The following SH3BP4 variants were observed in gnomAD, a reference collection of about 807,000 sequenced individuals.
SH3BP4 encodes SH3 domain-binding protein 4.
In SH3BP4, 33 loss-of-function variants were observed where a neutral mutation model predicts 65.5. That is an observed-to-expected ratio of 0.50 (90% confidence interval 0.38 to 0.67). SH3BP4 has a LOEUF of 0.67. SH3BP4 is among the 30% of genes least tolerant of loss of function. The probability of loss-of-function intolerance (pLI) is 0.00; values close to 1 mark genes in which losing one functional copy is unlikely to be tolerated. For synonymous variants in SH3BP4, 552 were observed against 545.5 expected, an observed-to-expected ratio of 1.01 and a Z score of -0.17; for missense variants, 1,134 against 1,261.4, an observed-to-expected ratio of 0.90 and a Z score of 1.53.
intron 1 of SH3BP4, among the ~76,000 whole-genome samples, chr2:234,973,354 CT>C (rs1488346781): frequency 6.6e-6 from 1 of 152,178 alleles, no homozygotes; most frequent in Non-Finnish European, 1.5e-5. Flanking sequence ...TCACCTACCC[CT>C]GTGCCCTCCC....
At position 235,033,586 on chromosome 2, in the gene SH3BP4, G is replaced by A. The variant is rs1695272983; in HGVS notation, c.-132-1285G>A. Among the ~76,000 whole-genome samples, 1 of 152,246 alleles carries A rather than the reference G, an allele frequency of 6.6e-6. No individual in the cohort carries two copies. Among genetic ancestry groups the A allele is most frequent in the African/African-American group, 2.4e-5 (1 of 41,464 alleles). On this transcript the variant is annotated intron_variant, in intron 2 of 5. Coordinates refer to ENST00000392011, the MANE Select transcript of SH3BP4 (RefSeq NM_014521.3). The surrounding 1 kb of genome is among the most constrained non-coding windows in gnomAD (Gnocchi z 5.7). ...TTGAGCCACTATCCGCCGGTCACTG[G>A]GAGCTGGGATTGCAGCTTCTGATGC...
chr2:234,979,807 GATGACCCTGGAGGACCCCTCCCC>G (rs1693306994), intron 1 of SH3BP4: 1 of 29,906 alleles, frequency 3.3e-5, no homozygotes, highest in Non-Finnish European at 5.4e-5. Context: ...ACAACAAGCA[GATGACCCTGGAGGACCCCTCCCC>G]CAGATGACCC....
chr2:235,007,483 T>G (rs959129277), intron 2 of SH3BP4, among the ~76,000 whole-genome samples: 1 of 152,028 alleles, frequency 6.6e-6, no homozygotes, highest in African/African-American at 2.4e-5. Context: ...ATGGAGTGGG[T>G]AGAGCCTGAG....
chr2:234,969,900 CACTT>C (rs1692937729), intron 1 of SH3BP4, among the ~76,000 whole-genome samples: 3 of 150,674 alleles, frequency 2.0e-5, no homozygotes, highest in Non-Finnish European at 2.9e-5. Flanking sequence ...CTCACACACA[CACTT>C]ACACACACTC....
intron 2 of SH3BP4, among the ~76,000 whole-genome samples, chr2:235,013,352 G>T (rs1179120273): frequency 6.6e-6 from 1 of 152,110 alleles, no homozygotes; most frequent in Non-Finnish European, 1.5e-5. Context: ...CCCTTCTCCA[G>T]TTGTCTCCGG....
In SH3BP4 at chr2:234,993,064, TC is replaced by T. The variant is rs576314685; in HGVS notation, c.-206-2237del. On this transcript the variant is annotated intron_variant, in intron 1 of 5. Transcript: ENST00000392011. ...CCCACAGCCTGGGAGGCTGGGGAGTTCCTGTGAAGGGAGCTGGGTCCTTCTG... is the reference window on the plus strand; with the variant it reads ...CCCACAGCCTGGGAGGCTGGGGAGTTCTGTGAAGGGAGCTGGGTCCTTCTG... 2.6e-4 allele frequency among the ~76,000 whole-genome samples: 40 copies of T among 152,340 alleles called. 1 individual carries two copies. The East Asian group carries it at 7.7e-3, about 29-fold the overall frequency.
intron 2 of SH3BP4, among the ~76,000 whole-genome samples, chr2:235,006,498 C>T (rs1694300475): frequency 6.6e-6 from 1 of 152,168 alleles, no homozygotes; most frequent in Non-Finnish European, 1.5e-5. Flanking sequence ...CCCGATGGTG[C>T]TGGGCTGGCT....
chr2:234,988,095 T>C (rs1191898407), intron 1 of SH3BP4, among the ~76,000 whole-genome samples: 1 of 152,214 alleles, frequency 6.6e-6, no homozygotes, highest in African/African-American at 2.4e-5. Flanking sequence ...AGTCTCACTC[T>C]GTCGCCCAGG....
chr2:234,991,974 C>T lies in SH3BP4; in HGVS notation c.-206-3329C>T, dbSNP rs1263087250. 6.6e-6 allele frequency among the ~76,000 whole-genome samples: 1 copy of T among 152,236 alleles called. No individual in the cohort carries two copies. Among genetic ancestry groups the T allele is most frequent in the Non-Finnish European group, 1.5e-5 (1 of 68,040 alleles). On this transcript the variant is annotated intron_variant, in intron 1 of 5. Transcript: ENST00000392011. The surrounding 1 kb of genome is among the most constrained non-coding windows in gnomAD (Gnocchi z 4.2). Reference sequence around the variant, plus strand: ...GAGGTATGAGTTTACCCAATCATCCCCCTGTCCAGGGAGCCTGCCGGGCTC... The same window carrying T: ...GAGGTATGAGTTTACCCAATCATCCTCCTGTCCAGGGAGCCTGCCGGGCTC...
Position 235,012,869 on chromosome 2 carries a change from A to T in SH3BP4, c.-133+17493A>T, listed in dbSNP as rs568205202. 6.0e-4 allele frequency among the ~76,000 whole-genome samples: 92 copies of T among 152,304 alleles called. 1 individual carries two copies. Among genetic ancestry groups the T allele is most frequent in the South Asian group, 2.3e-3 (11 of 4,828 alleles). On this transcript the variant is annotated intron_variant, in intron 2 of 5. Transcript: ENST00000392011. ...ATGAGTTTTTAATATTTTACCAAGG[A>T]TCAGGTGAGAAAGCCAAGGACCACA...
chr2:234,987,026 C>T (rs1693582975), intron 1 of SH3BP4, among the ~76,000 whole-genome samples: 1 of 151,858 alleles, frequency 6.6e-6, no homozygotes, highest in African/African-American at 2.4e-5. Flanking sequence ...CCCGTCTTGG[C>T]CTCCCAAATT....
intron 2 of SH3BP4, among the ~76,000 whole-genome samples, chr2:235,012,632 G>A (rs929278094): frequency 2.6e-5 from 4 of 152,178 alleles, no homozygotes; most frequent in Non-Finnish European, 4.4e-5. Context: ...CTGCCTGGCC[G>A]GCTGGGCTGC....
Position 235,033,374 on chromosome 2 carries a change from A to G in SH3BP4, c.-132-1497A>G, listed in dbSNP as rs1695266308. On this transcript the variant is annotated intron_variant, in intron 2 of 5. Transcript: ENST00000392011. This position sits in a 1 kb window ranked among gnomAD's most constrained non-coding sequence, Gnocchi z 5.7. ...ATCTGATCATGAGGACCCCACCTTC[A>G]TGATCTCTTCTAACTCTAACTACTC... Among the ~76,000 whole-genome samples the G allele has an allele frequency of 6.6e-6, 1 of 152,174 alleles. No individual in the cohort carries two copies. Among genetic ancestry groups the G allele is most frequent in the Non-Finnish European group, 1.5e-5 (1 of 68,034 alleles).
Position 234,993,388 on chromosome 2 carries a change from C to T in SH3BP4, c.-206-1915C>T, listed in dbSNP as rs189664440. Among the ~76,000 whole-genome samples the T allele has an allele frequency of 1.3e-3, 194 of 152,306 alleles. 3 individuals carry two copies. The South Asian group carries it at 0.02, about 16-fold the overall frequency. ...GATGGACCCGCCTGATGAAGGGGCC[C>T]AGCAGTGCCGGTGCCTGCCTAGAAT... On this transcript the variant is annotated intron_variant, in intron 1 of 5. Coordinates refer to ENST00000392011, the MANE Select transcript of SH3BP4 (RefSeq NM_014521.3).
intron 1 of SH3BP4, among the ~76,000 whole-genome samples, chr2:234,988,415 T>C (rs946326180): frequency 2.0e-5 from 3 of 152,282 alleles, no homozygotes; most frequent in South Asian, 2.1e-4. Flanking sequence ...AACATTTCAC[T>C]TGAATTGCCA....
intron 3 of SH3BP4, among the ~76,000 whole-genome samples, chr2:235,038,018 T>A (rs2106327934): frequency 6.6e-6 from 1 of 151,514 alleles, no homozygotes. Context: ...TGCACGATGA[T>A]CATTCATTCC....
rs1695313636 is a variant in SH3BP4, at chr2:235,034,636, G to A, written c.-132-235G>A. On this transcript the variant is annotated intron_variant, in intron 2 of 5. Coordinates refer to ENST00000392011, the MANE Select transcript of SH3BP4 (RefSeq NM_014521.3). The surrounding 1 kb of genome is among the most constrained non-coding windows in gnomAD (Gnocchi z 6.2). ...TAAGAAGAGCAGGTGCAAACAGCCG[G>A]CCAGAAAACACTGCTTGGGCTGTGT... 6.6e-6 allele frequency among the ~76,000 whole-genome samples: 1 copy of A among 152,180 alleles called. No homozygotes were observed. The highest frequency in any genetic ancestry group is 2.1e-4 in the South Asian group (1 of 4,830).
chr2:235,047,623 G>T lies in SH3BP4; in HGVS notation c.2478+4376G>T, dbSNP rs568630851. Among the ~76,000 whole-genome samples, 18 of 152,362 alleles carry T rather than the reference G, an allele frequency of 1.2e-4. No individual in the cohort carries two copies. In the East Asian group the frequency reaches 3.3e-3, roughly 28 times the overall value. Reference sequence around the variant, plus strand: ...CTCTGTTATGGTGGGGAAGGAAGGGGAGTCAGCTGGAGATAGCCGTGGGCA... The same window carrying T: ...CTCTGTTATGGTGGGGAAGGAAGGGTAGTCAGCTGGAGATAGCCGTGGGCA... On this transcript the variant is annotated intron_variant, in intron 4 of 5. Transcript: ENST00000392011.
intron 2 of SH3BP4, among the ~76,000 whole-genome samples, chr2:235,023,589 T>C (rs1482488597): frequency 6.6e-6 from 1 of 152,094 alleles, no homozygotes; most frequent in Non-Finnish European, 1.5e-5. Flanking sequence ...ATTCATTTTA[T>C]AAAAAGCGTT....
Sources: allele counts gnomAD v4.1 joint callset (sites outside exome capture counted in the v4.1 genomes callset), GRCh38; gene constraint gnomAD v4.1.1; non-coding constraint Gnocchi (gnomAD v3.1); transcripts MANE v1.5; gene names NCBI Gene and HGNC (gene_info 2026-07-23, HGNC 2026-07-21).